MORC1: variants seen among roughly 807,000 people sequenced by gnomAD.
MORC1 encodes MORC family CW-type zinc finger protein 1.
MORC1 carries 59 observed loss-of-function variants against 134.9 expected under a neutral mutation model. That is an observed-to-expected ratio of 0.44 (90% CI 0.35 to 0.54). MORC1 has a LOEUF of 0.54. Ranked by LOEUF, MORC1 falls within the 20% of genes least tolerant of loss-of-function variation. MORC1 has a pLI of 0.00. For synonymous variants in MORC1, 395 were observed against 391.7 expected, an observed-to-expected ratio of 1.01 and a Z score of -0.10; for missense variants, 947 against 1,134.5, an observed-to-expected ratio of 0.83 and a Z score of 2.37.
chr3:109,046,091 CTATACA>C (rs1949688274), intron 14 of MORC1, among the ~76,000 whole-genome samples: 1 of 152,190 alleles, frequency 6.6e-6, no homozygotes, highest in Non-Finnish European at 1.5e-5. Context: ...AACTACATCT[CTATACA>C]TATAAAAATC....
intron 3 of MORC1, among the ~76,000 whole-genome samples, 190 bp downstream of exon 3, chr3:109,110,559 A>G (rs1951140951): frequency 6.6e-6 from 1 of 152,182 alleles, no homozygotes. Context: ...TGGGTCCTTT[A>G]GCACACAATT....
At chr3:109,005,612 G>GC (rs1272021696) in intron 18 of MORC1, among the ~76,000 whole-genome samples, 9 of 152,162 alleles carry the variant, frequency 5.9e-5, no homozygotes, top group African/African-American at 2.2e-4. Flanking sequence ...AGGTTCGCTT[G>GC]CCTTTGGCTC....
At chr3:108,960,975 A>G (rs1166534817) in intron 27 of MORC1, among the ~76,000 whole-genome samples, 1 of 152,214 alleles carries the variant, frequency 6.6e-6, no homozygotes, top group Non-Finnish European at 1.5e-5. Flanking sequence ...GATTATGTTG[A>G]GAAATAAAGT....
chr3:108,995,271 C>T (rs1222245677), intron 21 of MORC1, among the ~76,000 whole-genome samples: 3 of 152,186 alleles, frequency 2.0e-5, no homozygotes, highest in African/African-American at 7.2e-5. Flanking sequence ...CACTGATCCT[C>T]CTGACAAAGG....
chr3:109,089,688 A>G lies in MORC1; in HGVS notation c.689+3748T>C, dbSNP rs1434396700. On this transcript the variant is annotated intron_variant, in intron 8 of 27. Coordinates refer to ENST00000232603, the MANE Select transcript of MORC1 (RefSeq NM_014429.4). Reference sequence around the variant, plus strand: ...TTTGAGATGTGGGATTTGGGTCCAGAGTTCCAAAAAATTACCACAACATAA... The same window carrying G: ...TTTGAGATGTGGGATTTGGGTCCAGGGTTCCAAAAAATTACCACAACATAA... 2.0e-5 allele frequency among the ~76,000 whole-genome samples: 3 copies of G among 152,184 alleles called. No individual in the cohort carries two copies. In the East Asian group the frequency reaches 5.8e-4, roughly 29 times the overall value.
At chr3:109,066,160 T>C (rs1428507512) in intron 9 of MORC1, among the ~76,000 whole-genome samples, 3 of 152,184 alleles carry the variant, frequency 2.0e-5, no homozygotes, top group Non-Finnish European at 4.4e-5. Context: ...ATGTACCTCC[T>C]GTATCTAAAA....
At chr3:108,968,744 GC>G (rs1439663761) in intron 26 of MORC1, among the ~76,000 whole-genome samples, 3 of 133,410 alleles carry the variant, frequency 2.2e-5, no homozygotes, top group Non-Finnish European at 3.3e-5. Context: ...AGAAGAAGAT[GC>G]TAATGGATGC....
At chr3:109,078,463 G>A (rs538620055) in intron 8 of MORC1, among the ~76,000 whole-genome samples, 2 of 151,954 alleles carry the variant, frequency 1.3e-5, no homozygotes, top group South Asian at 4.2e-4. Flanking sequence ...TGAATAAGAG[G>A]AAATCAAAAT....
At chr3:109,094,825 A>C in intron 7 of MORC1, 84 bp downstream of exon 7, 5 of 1,302,958 alleles carry the variant, frequency 3.8e-6, no homozygotes, top group Non-Finnish European at 5.1e-6. Context: ...AGAACAAAAA[A>C]AATGAAAACA....
chr3:109,037,548 C>T (rs936027711), intron 14 of MORC1, among the ~76,000 whole-genome samples: 1 of 152,208 alleles, frequency 6.6e-6, no homozygotes, highest in Admixed American at 6.5e-5. Context: ...CCCATCAACT[C>T]GTCGTTTACA....
At chr3:108,996,259 CACATGTGCGCGTGCGT>C in intron 21 of MORC1, among the ~76,000 whole-genome samples, 2 of 147,034 alleles carry the variant, frequency 1.4e-5, no homozygotes, top group African/African-American at 5.0e-5. Flanking sequence ...CATGCCTGTG[CACATGTGCGCGTGCGT>C]GCGCGCGCGC....
chr3:108,995,459 A>C (rs1390114542), intron 21 of MORC1, among the ~76,000 whole-genome samples: 1 of 152,256 alleles, frequency 6.6e-6, no homozygotes, highest in African/African-American at 2.4e-5. Context: ...AGCATGGAAG[A>C]CAGAAAATAA....
At chr3:109,040,488 G>A (rs1005016479) in intron 14 of MORC1, among the ~76,000 whole-genome samples, 1 of 92,526 alleles carries the variant, frequency 1.1e-5, no homozygotes, top group African/African-American at 3.4e-5. Flanking sequence ...AAGAAAGAAA[G>A]GAAAGAAAAG....
At position 108,984,732 on chromosome 3, in the gene MORC1, A is replaced by C; in HGVS notation, c.2308T>G (p.Leu770Val). The change falls in exon 23 of 28, where the codon TTA becomes GTA. Residue 770 changes from leucine (L) to valine (V), a missense_variant. By Grantham distance (32) the Leu-to-Val change is conservative. Coordinates refer to ENST00000232603, the MANE Select transcript of MORC1 (RefSeq NM_014429.4). ...DVLAMKRSSS[L>V]PSWKSLLNVP... Reference sequence around the variant, plus strand: ...TACACTCACCTTTTCCAGCTAGGTAATGAAGAGCTTCTTTTCATTGCTAGA... The same window carrying C: ...TACACTCACCTTTTCCAGCTAGGTACTGAAGAGCTTCTTTTCATTGCTAGA... 6.2e-7 allele frequency: 1 copy of C among 1,608,902 alleles called. No individual in the cohort carries two copies. The highest frequency in any genetic ancestry group is 8.5e-7 in the Non-Finnish European group (1 of 1,178,296).
intron 8 of MORC1, among the ~76,000 whole-genome samples, chr3:109,075,657 T>C (rs1950405609): frequency 6.6e-6 from 1 of 152,190 alleles, no homozygotes; most frequent in South Asian, 2.1e-4. Flanking sequence ...CACTGGTCTA[T>C]ATATCTGTTT....
intron 17 of MORC1, among the ~76,000 whole-genome samples, chr3:109,024,892 T>C (rs1024206131): frequency 1.3e-5 from 2 of 152,226 alleles, no homozygotes; most frequent in African/African-American, 4.8e-5. Context: ...CATCCTTTCT[T>C]ATCTCACATT....
At chr3:109,068,490 G>C (rs1015939577) in intron 9 of MORC1, among the ~76,000 whole-genome samples, 1 of 152,144 alleles carries the variant, frequency 6.6e-6, no homozygotes, top group African/African-American at 2.4e-5. Flanking sequence ...ACTTCACTTA[G>C]AATAATAGTC....
At chr3:109,101,943 A>C (rs374221533) in intron 4 of MORC1, among the ~76,000 whole-genome samples, 1 of 152,176 alleles carries the variant, frequency 6.6e-6, no homozygotes, top group Non-Finnish European at 1.5e-5. Context: ...TACACACTAC[A>C]TGAACTCACG....
At chr3:109,083,114 G>A (rs530624999) in intron 8 of MORC1, among the ~76,000 whole-genome samples, 1 of 152,164 alleles carries the variant, frequency 6.6e-6, no homozygotes, top group East Asian at 1.9e-4. Context: ...CAGGACAGTA[G>A]ACAGTGAAAC....
Sources: allele counts gnomAD v4.1 joint callset (sites outside exome capture counted in the v4.1 genomes callset), GRCh38; gene constraint gnomAD v4.1.1; transcripts MANE v1.5; gene names NCBI Gene and HGNC (gene_info 2026-07-23, HGNC 2026-07-21).